The following RGS7BP variants were observed in gnomAD, a reference collection of about 807,000 sequenced individuals.
RGS7BP encodes regulator of G protein signaling 7 binding protein.
RGS7BP carries 9 observed loss-of-function variants against 31.3 expected under a neutral mutation model. The ratio of observed to expected loss-of-function variants is 0.29; its 90% CI spans 0.17 to 0.50. The LOEUF is 0.50. RGS7BP is among the 20% of genes least tolerant of loss of function. The pLI is 0.98. For missense variants in RGS7BP, 274 were observed against 322.0 expected (o/e 0.85, Z 1.14); for synonymous variants, 115 against 120.1 (o/e 0.96, Z 0.28).
At chr5:64,531,911 C>G (rs576017453) in intron 2 of RGS7BP, among the ~76,000 whole-genome samples, 39 of 152,274 alleles carry the variant, frequency 2.6e-4, no homozygotes, top group African/African-American at 8.9e-4. Flanking sequence ...TAAAATTTTT[C>G]ATCATCTTGG....
intron 2 of RGS7BP, among the ~76,000 whole-genome samples, chr5:64,551,199 G>T (rs1412154694): frequency 3.3e-5 from 5 of 151,172 alleles, no homozygotes; most frequent in Non-Finnish European, 7.4e-5. Context: ...AACAGACAAA[G>T]ATTACTGTCT....
At chr5:64,550,277 C>G (rs1365483067) in intron 2 of RGS7BP, among the ~76,000 whole-genome samples, 1 of 152,214 alleles carries the variant, frequency 6.6e-6, no homozygotes. Context: ...CATTCAAGAT[C>G]AGGATGCCAG....
chr5:64,525,701 TCTC>T (rs1749216019), intron 2 of RGS7BP, among the ~76,000 whole-genome samples: 1 of 152,114 alleles, frequency 6.6e-6, no homozygotes, highest in African/African-American at 2.4e-5. Context: ...AGCAGCCAGA[TCTC>T]CTGACTTCTA....
At chr5:64,526,495 T>C (rs1749234010) in intron 2 of RGS7BP, among the ~76,000 whole-genome samples, 1 of 152,168 alleles carries the variant, frequency 6.6e-6, no homozygotes, top group South Asian at 2.1e-4. Context: ...AAGGCAGTCT[T>C]TTCCTAATTT....
At chr5:64,575,531 A>AT (rs1742396284) in intron 2 of RGS7BP, 1 of 278,440 alleles carries the variant, frequency 3.6e-6, no homozygotes, top group Non-Finnish European at 5.4e-6. Context: ...AGCATTTATG[A>AT]TTTTAAGCTC....
intron 2 of RGS7BP, among the ~76,000 whole-genome samples, chr5:64,543,441 A>G (rs1315774764): frequency 1.3e-5 from 2 of 152,224 alleles, no homozygotes; most frequent in African/African-American, 2.4e-5. Flanking sequence ...TTCACAACTA[A>G]CTGAATCCAG....
chr5:64,534,368 T>C (rs890968485), intron 2 of RGS7BP, among the ~76,000 whole-genome samples: 2 of 152,120 alleles, frequency 1.3e-5, no homozygotes, highest in Non-Finnish European at 2.9e-5. Context: ...TAAAATGCAG[T>C]GAAAAGCCAC....
intron 2 of RGS7BP, among the ~76,000 whole-genome samples, chr5:64,541,014 C>T (rs990475188): frequency 2.0e-5 from 3 of 152,138 alleles, no homozygotes; most frequent in African/African-American, 7.2e-5. Flanking sequence ...TTGGTCCATT[C>T]TTGCATTGCT....
chr5:64,565,183 T>C (rs900640678), intron 2 of RGS7BP, among the ~76,000 whole-genome samples: 3 of 152,126 alleles, frequency 2.0e-5, no homozygotes, highest in African/African-American at 7.2e-5. Context: ...CTAGGCACTG[T>C]TATCCTCAAT....
chr5:64,600,239 G>A (rs1743183671), intron 5 of RGS7BP, among the ~76,000 whole-genome samples: 1 of 152,110 alleles, frequency 6.6e-6, no homozygotes. Flanking sequence ...CTCACATTCA[G>A]CTTTCCTAGA....
intron 2 of RGS7BP, among the ~76,000 whole-genome samples, chr5:64,567,754 C>CTATTTAAATAGTATTTATTTAAATAG (rs1340938235): frequency 6.6e-6 from 1 of 152,130 alleles, no homozygotes; most frequent in East Asian, 1.9e-4. Context: ...AAGCTAAATA[C>CTATTTAAATAGTATTTATTTAAATAG]TATTTAAATA....
chr5:64,604,372 A>T (rs1390637345), intron 5 of RGS7BP, among the ~76,000 whole-genome samples: 1 of 152,072 alleles, frequency 6.6e-6, no homozygotes, highest in Non-Finnish European at 1.5e-5. Flanking sequence ...CAATGTATTC[A>T]GATCTTTCTT....
intron 2 of RGS7BP, among the ~76,000 whole-genome samples, chr5:64,533,791 C>T (rs1283414301): frequency 6.6e-6 from 1 of 152,224 alleles, no homozygotes; most frequent in African/African-American, 2.4e-5. Flanking sequence ...TCCCTCCCCA[C>T]CTCATGTCTA....
At chr5:64,510,641 T>A (rs1053392339) in intron 2 of RGS7BP, among the ~76,000 whole-genome samples, 2 of 152,260 alleles carry the variant, frequency 1.3e-5, no homozygotes, top group African/African-American at 4.8e-5. Flanking sequence ...ACTGTATATT[T>A]ACTAAAAGTC....
rs114047837 is a variant in RGS7BP, at chr5:64,555,969, T to C, written c.333-19805T>C. ...TACCATATTGCTCAGCACAGGAAAA[T>C]ATTTCCATCATCGCAGGAAATTCTG... On this transcript the variant is annotated intron_variant, in intron 2 of 5. Transcript: ENST00000334025. Among the ~76,000 whole-genome samples, 1,080 of 152,184 alleles carry C rather than the reference T, an allele frequency of 7.1e-3. 10 individuals carry two copies. The highest frequency in any genetic ancestry group is 0.024 in the African/African-American group (994 of 41,526).
chr5:64,513,438 G>A (rs1415194948), intron 2 of RGS7BP, among the ~76,000 whole-genome samples: 4 of 151,704 alleles, frequency 2.6e-5, no homozygotes, highest in South Asian at 2.1e-4. Flanking sequence ...TGATTTTTTC[G>A]CCCTGATTTT....
chr5:64,546,080 G>A (rs1054164979), intron 2 of RGS7BP, among the ~76,000 whole-genome samples: 1 of 152,166 alleles, frequency 6.6e-6, no homozygotes, highest in African/African-American at 2.4e-5. Flanking sequence ...TTTGAACCCT[G>A]GAGGGCGAGG....
At chr5:64,577,868 C>T (rs1258099817) in intron 3 of RGS7BP, among the ~76,000 whole-genome samples, 1 of 152,168 alleles carries the variant, frequency 6.6e-6, no homozygotes, top group Non-Finnish European at 1.5e-5. Flanking sequence ...GCATTGGCTG[C>T]ACCTGCAGGA....
intron 2 of RGS7BP, among the ~76,000 whole-genome samples, chr5:64,535,757 A>G (rs1242290449): frequency 6.6e-6 from 1 of 152,206 alleles, no homozygotes; most frequent in African/African-American, 2.4e-5. Context: ...TCCTTTATGG[A>G]GATTAAATGG....
Sources: gnomAD v4.1 joint callset for allele counts (sites outside exome capture counted in the v4.1 genomes callset) on GRCh38, gnomAD v4.1.1 for gene constraint, MANE v1.5 for transcripts, NCBI Gene and HGNC (gene_info 2026-07-23, HGNC 2026-07-21) for gene names.